The following HDGFL2 variants were observed in gnomAD, a reference collection of about 807,000 sequenced individuals.
The protein encoded by HDGFL2 is hepatoma-derived growth factor-related protein 2.
In HDGFL2, 36 loss-of-function variants were observed where a neutral mutation model predicts 77.1. That is an observed-to-expected ratio of 0.47 (90% CI 0.36 to 0.62). The LOEUF (loss-of-function observed/expected upper bound fraction) is 0.62, where lower values mean the gene tolerates loss of function less well. Ranked by LOEUF, HDGFL2 falls within the 20% of genes least tolerant of loss-of-function variation. HDGFL2 has a pLI of 0.00. For missense variants in HDGFL2, 976 were observed against 973.4 expected (o/e 1.00, Z -0.04); for synonymous variants, 463 against 413.1 (o/e 1.12, Z -1.46).
At chr19:4,482,444 A>C (rs964686691) in intron 3 of HDGFL2, among the ~76,000 whole-genome samples, 1 of 151,976 alleles carries the variant, frequency 6.6e-6, no homozygotes, top group African/African-American at 2.4e-5. Context: ...TCCTGACCTT[A>C]TGATCCACCC....
At chr19:4,476,439 C>T (rs1056475308) in intron 3 of HDGFL2, among the ~76,000 whole-genome samples, 11 of 151,988 alleles carry the variant, frequency 7.2e-5, no homozygotes, top group Middle Eastern at 3.4e-3. Flanking sequence ...ATGATCCACC[C>T]GCCTCGGCCT....
In HDGFL2 at chr19:4,475,597, G is replaced by A. The variant is rs373726754; in HGVS notation, c.288+14G>A. ...AGCGCCCCTCCGGTGAGTACCCGGG[G>A]TGGAGAGCCAGTGTGAAGCGCGCTA... On this transcript the variant is annotated intron_variant, in intron 3 of 15. Transcript: ENST00000616600. The A allele has an allele frequency of 6.4e-7, 1 of 1,563,646 alleles. No individual in the cohort carries two copies. The highest frequency in any genetic ancestry group is 1.4e-5 in the African/African-American group (1 of 72,102).
At chr19:4,487,947 A>G (rs1441850645) in intron 3 of HDGFL2, among the ~76,000 whole-genome samples, 1 of 151,652 alleles carries the variant, frequency 6.6e-6, no homozygotes, top group Non-Finnish European at 1.5e-5. Context: ...ATGACTTAAA[A>G]AAAAAAAAAA....
intron 15 of HDGFL2, chr19:4,501,580 G>C: frequency 2.1e-6 from 1 of 482,356 alleles, no homozygotes; most frequent in South Asian, 3.3e-5. Flanking sequence ...GAGCCTCCAG[G>C]GTGGCCCAGG....
intron 3 of HDGFL2, among the ~76,000 whole-genome samples, chr19:4,477,248 A>G (rs551752326): frequency 6.6e-6 from 1 of 152,264 alleles, no homozygotes; most frequent in African/African-American, 2.4e-5. Flanking sequence ...GGGGACCAGG[A>G]ACAGGGATGA....
At chr19:4,477,095 C>A (rs1975092509) in intron 3 of HDGFL2, among the ~76,000 whole-genome samples, 1 of 152,068 alleles carries the variant, frequency 6.6e-6, no homozygotes, top group Non-Finnish European at 1.5e-5. Context: ...GGTTCCTGGT[C>A]CTGTTTGAGA....
chr19:4,499,412 AT>A (rs1568218168), intron 13 of HDGFL2, 78 bp from the exon 14 acceptor site: 1 of 1,336,318 alleles, frequency 7.5e-7, no homozygotes, highest in African/African-American at 1.5e-5. Context: ...GGAGGGGCGC[AT>A]TGCTGGGGCG....
Position 4,488,691 on chromosome 19 carries a change from G to A in HDGFL2, c.304G>A (p.Asp102Asn), listed in dbSNP as rs968340607. ...ACTCCCACAGCCAGTGAGCTCCTCCGACAGCGAGGCCCCCGAGGCCAACCC... is the reference window on the plus strand; with the variant it reads ...ACTCCCACAGCCAGTGAGCTCCTCCAACAGCGAGGCCCCCGAGGCCAACCC... Reference protein sequence around the residue: ...YSAPPPVSSSDSEAPEANPAD... With the variant: ...YSAPPPVSSSNSEAPEANPAD... The change falls in exon 4 of 16, where the codon GAC (aspartate) becomes AAC (asparagine). Residue 102 changes from aspartate (D) to asparagine (N), a missense_variant. Asp to Asn is a conservative substitution (Grantham distance 23, BLOSUM62 1). Coordinates refer to ENST00000616600, the MANE Select transcript of HDGFL2 (RefSeq NM_001001520.3). The A allele has an allele frequency of 5.2e-6, 8 of 1,546,040 alleles. No homozygotes were observed. Among genetic ancestry groups the A allele is most frequent in the African/African-American group, 2.7e-5 (2 of 73,136 alleles).
intron 6 of HDGFL2, among the ~76,000 whole-genome samples, chr19:4,493,139 CTG>C (rs1347827240): frequency 4.2e-5 from 3 of 71,728 alleles, no homozygotes; most frequent in African/African-American, 6.0e-5. Flanking sequence ...TGTGTGTTAT[CTG>C]TGTCTGTGTG....
At position 4,472,304 on chromosome 19, in the gene HDGFL2, A is replaced by ACCGCCGCTGCAGCCGCTTT; in HGVS notation, c.-42_-24dup. ...CGCCGCCGCCGCCGCCGCAGCCGCT[A>ACCGCCGCTGCAGCCGCTTT]CCGCCGCTGCAGCCGCTTTCCGCGG... On this transcript the variant is annotated 5_prime_UTR_variant, in exon 1 of 16. Coordinates refer to ENST00000616600, the MANE Select transcript of HDGFL2 (RefSeq NM_001001520.3). The ACCGCCGCTGCAGCCGCTTT allele has an allele frequency of 7.2e-7, 1 of 1,382,660 alleles. No individual in the cohort carries two copies. The highest frequency in any genetic ancestry group is 9.5e-7 in the Non-Finnish European group (1 of 1,049,124). 85.6% of individuals were successfully genotyped at this position (1,382,660 alleles called of 1,614,324 possible).
chr19:4,472,478 C>T, intron 1 of HDGFL2, 56 bp downstream of exon 1: 1 of 1,044,876 alleles, frequency 9.6e-7, no homozygotes, highest in Non-Finnish European at 1.2e-6. Context: ...CAGCGGGGGC[C>T]CCGGGCCGGA....
At position 4,488,678 on chromosome 19, in the gene HDGFL2, A is replaced by G. The variant is rs1975422956; in HGVS notation, c.291A>G (p.Pro97=). The change falls in exon 4 of 16, where the codon CCA becomes CCG. Residue 97 remains proline (P), a splice_region_variant and synonymous_variant. Coordinates refer to ENST00000616600, the MANE Select transcript of HDGFL2 (RefSeq NM_001001520.3). The part of the protein sequence containing the change: ...NPHASYSAPP[P]VSSSDSEAPE... ...GTTCTCTGCCCCGACTCCCACAGCC[A>G]GTGAGCTCCTCCGACAGCGAGGCCC... 2 of 1,542,812 alleles carry G rather than the reference A, an allele frequency of 1.3e-6. No individual in the cohort carries two copies. The highest frequency in any genetic ancestry group is 1.4e-5 in the African/African-American group (1 of 73,084).
chr19:4,475,591 C>G lies in HDGFL2; in HGVS notation c.288+8C>G. The G allele has an allele frequency of 6.4e-7, 1 of 1,566,358 alleles. No homozygotes were observed. Among genetic ancestry groups the G allele is most frequent in the Non-Finnish European group, 8.6e-7 (1 of 1,163,038 alleles). On this transcript the variant is annotated splice_region_variant and intron_variant, in intron 3 of 15. Coordinates refer to ENST00000616600, the MANE Select transcript of HDGFL2 (RefSeq NM_001001520.3). ...AGCTACAGCGCCCCTCCGGTGAGTA[C>G]CCGGGGTGGAGAGCCAGTGTGAAGC...
chr19:4,501,618 G>C, intron 15 of HDGFL2: 1 of 468,062 alleles, frequency 2.1e-6, no homozygotes, highest in Non-Finnish European at 3.8e-6. Flanking sequence ...CGGGCACCCG[G>C]CTATCTGACG....
At chr19:4,488,183 T>C (rs79980542) in intron 3 of HDGFL2, among the ~76,000 whole-genome samples, 15,189 of 152,130 alleles carry the variant, frequency 0.1, 949 homozygotes, top group South Asian at 0.21. Context: ...GTTGGCCAGG[T>C]TGGTCTCGAA....
At position 4,475,398 on chromosome 19, in the gene HDGFL2, G is replaced by T. The variant is rs757124863; in HGVS notation, c.149+47G>T. 5.6e-6 allele frequency: 9 copies of T among 1,613,912 alleles called. No individual in the cohort carries two copies. In the South Asian group the frequency reaches 8.8e-5, roughly 16 times the overall value. Reference sequence around the variant, plus strand: ...TTGGTTTTCTCCTCTGGTGCCTCCCGGGGTGGCCTCACTCACCTGGGACTG... The same window carrying T: ...TTGGTTTTCTCCTCTGGTGCCTCCCTGGGTGGCCTCACTCACCTGGGACTG... On this transcript the variant is annotated intron_variant, in intron 2 of 15. Coordinates refer to ENST00000616600, the MANE Select transcript of HDGFL2 (RefSeq NM_001001520.3).
At chr19:4,490,877 T>C (rs12975873) in intron 4 of HDGFL2, among the ~76,000 whole-genome samples, 104,428 of 150,870 alleles carry the variant, frequency 0.69, 36,669 homozygotes, top group African/African-American at 0.77. Context: ...GATGGCGCAA[T>C]CTCGGCTCAC....
chr19:4,488,913 C>T (rs1038682096), intron 4 of HDGFL2, 37 bp downstream of exon 4: 1 of 1,502,516 alleles, frequency 6.7e-7, no homozygotes, highest in African/African-American at 1.4e-5. Flanking sequence ...CCTTCATCCC[C>T]TTGCCCTGAT....
In HDGFL2 at chr19:4,472,304, A is replaced by ACCGCCGCTG. The variant is rs778641678; in HGVS notation, c.-45_-37dup. ...CGCCGCCGCCGCCGCCGCAGCCGCTACCGCCGCTGCAGCCGCTTTCCGCGG... is the reference window on the plus strand; with the variant it reads ...CGCCGCCGCCGCCGCCGCAGCCGCTACCGCCGCTGCCGCCGCTGCAGCCGCTTTCCGCGG... On this transcript the variant is annotated 5_prime_UTR_variant, in exon 1 of 16. Transcript: ENST00000616600. The ACCGCCGCTG allele has an allele frequency of 2.2e-6, 3 of 1,382,552 alleles. No homozygotes were observed. The African/African-American group carries it at 4.5e-5, about 21-fold the overall frequency. 85.6% of individuals were successfully genotyped at this position (1,382,552 alleles called of 1,614,324 possible).
Sources: gnomAD v4.1 joint callset for allele counts (sites outside exome capture counted in the v4.1 genomes callset) on GRCh38, gnomAD v4.1.1 for gene constraint, MANE v1.5 for transcripts, NCBI Gene and HGNC (gene_info 2026-07-23, HGNC 2026-07-21) for gene names.